CHSY1: variants seen among roughly 807,000 people sequenced by gnomAD.
The protein encoded by CHSY1 is chondroitin sulfate synthase 1.
CHSY1 carries 13 observed loss-of-function variants against 59.8 expected under a neutral mutation model. The ratio of observed to expected loss-of-function variants is 0.22; its 90% CI spans 0.14 to 0.35. The LOEUF (loss-of-function observed/expected upper bound fraction) is 0.35. Among genes scored for constraint, CHSY1 ranks in the 10% least tolerant of loss-of-function variants. The pLI is 1.00. For synonymous variants in CHSY1, 459 were observed against 401.2 expected (o/e 1.14, Z -1.72); for missense variants, 947 against 1,030.6 (o/e 0.92, Z 1.11).
At chr15:101,199,754 G>A (rs924303091) in intron 2 of CHSY1, among the ~76,000 whole-genome samples, 3 of 152,150 alleles carry the variant, frequency 2.0e-5, no homozygotes, top group South Asian at 2.1e-4. Flanking sequence ...CAGGAAACAC[G>A]ACGCACCAGA....
At chr15:101,247,021 C>CA (rs2039058791) in intron 1 of CHSY1, among the ~76,000 whole-genome samples, 1 of 152,320 alleles carries the variant, frequency 6.6e-6, no homozygotes, top group South Asian at 2.1e-4. Flanking sequence ...TTACCTAGAA[C>CA]ACACACTTGC....
At chr15:101,242,675 A>G (rs1335537453) in intron 1 of CHSY1, 2 of 152,382 alleles carry the variant, frequency 1.3e-5, no homozygotes, top group African/African-American at 2.4e-5. Context: ...AAGGCCACCA[A>G]GTGATGCCAC....
intron 2 of CHSY1, among the ~76,000 whole-genome samples, chr15:101,234,869 G>T (rs944808937): frequency 6.6e-6 from 1 of 152,072 alleles, no homozygotes; most frequent in African/African-American, 2.4e-5. Context: ...TCTCTCTGGG[G>T]GGAGAAAAAG....
intron 2 of CHSY1, 74 bp from the exon 3 acceptor site, chr15:101,179,054 C>G (rs2038239586): frequency 1.4e-6 from 2 of 1,438,250 alleles, no homozygotes; most frequent in Non-Finnish European, 1.9e-6. Flanking sequence ...AAAGAAAATG[C>G]AAATATTAGA....
At position 101,212,419 on chromosome 15, in the gene CHSY1, G is replaced by C. The variant is rs552595073; in HGVS notation, c.816+22663C>G. Among the ~76,000 whole-genome samples, 22 of 152,290 alleles carry C rather than the reference G, an allele frequency of 1.4e-4. 1 individual carries two copies. In the South Asian group the frequency reaches 4.3e-3, roughly 30 times the overall value. ...AGTAAAAAAACTAGAAATACTCCAG[G>C]TGAAGTTTACTAAGCAATAAAAAGG... On this transcript the variant is annotated intron_variant, in intron 2 of 2. Transcript: ENST00000254190.
chr15:101,177,925 T>C lies in CHSY1; in HGVS notation c.1872A>G (p.Glu624=). 1 of 1,614,186 alleles carries C rather than the reference T, an allele frequency of 6.2e-7. No homozygotes were observed. Among genetic ancestry groups the C allele is most frequent in the Non-Finnish European group, 8.5e-7 (1 of 1,180,024 alleles). ...CGACGTCGCAGAAGAAGAGCAAAGATTCATTGTTAAACTGGGAGGATCCTA... is the reference window on the plus strand; with the variant it reads ...CGACGTCGCAGAAGAAGAGCAAAGACTCATTGTTAAACTGGGAGGATCCTA... The part of the protein sequence containing the change: ...LEVGSSQFNN[E]SLLFFCDVDL... Residue 624 remains glutamate (E), a synonymous_variant, in exon 3 of 3, where the codon GAA becomes GAG. Transcript: ENST00000254190.
At chr15:101,240,062 T>C (rs4147440) in intron 1 of CHSY1, among the ~76,000 whole-genome samples, 1 of 152,240 alleles carries the variant, frequency 6.6e-6, no homozygotes. Context: ...ACCCAATTAT[T>C]ATCTGTTCCT....
chr15:101,239,975 T>C (rs1249532307), intron 1 of CHSY1, among the ~76,000 whole-genome samples: 1 of 152,204 alleles, frequency 6.6e-6, no homozygotes, highest in Non-Finnish European at 1.5e-5. Context: ...ACTGAAATGG[T>C]GTAATTTGCC....
chr15:101,186,732 G>T, intron 2 of CHSY1: 1 of 152,338 alleles, frequency 6.6e-6, no homozygotes, highest in Non-Finnish European at 1.5e-5. Context: ...AGCCTGGGAG[G>T]TCGAGGCTGC....
chr15:101,207,157 A>G (rs895613625), intron 2 of CHSY1, among the ~76,000 whole-genome samples: 2 of 151,352 alleles, frequency 1.3e-5, no homozygotes, highest in African/African-American at 4.8e-5. Context: ...CTCTTGACAA[A>G]TGTTTTTTAT....
At chr15:101,207,336 C>A (rs1256287782) in intron 2 of CHSY1, among the ~76,000 whole-genome samples, 1 of 152,218 alleles carries the variant, frequency 6.6e-6, no homozygotes, top group African/African-American at 2.4e-5. Context: ...ATCAGCGTCA[C>A]CAAGTCTTCA....
At chr15:101,187,854 T>G in intron 2 of CHSY1, 1 of 191,218 alleles carries the variant, frequency 5.2e-6, no homozygotes, top group Non-Finnish European at 9.6e-6. Context: ...TCCCTTCCTG[T>G]GAGATGTTTC....
intron 2 of CHSY1, among the ~76,000 whole-genome samples, chr15:101,196,844 C>G (rs1419083251): frequency 6.6e-6 from 1 of 152,140 alleles, no homozygotes; most frequent in African/African-American, 2.4e-5. Context: ...AGAAATATAG[C>G]AAGACCTCAT....
rs143797671 is a variant in CHSY1, at chr15:101,199,902, G to C, written c.817-20922C>G. ...CACGAACAGCAGCGTATGTTCATTTGATCCCTGTGTCTAACAGCATTACAG... is the reference window on the plus strand; with the variant it reads ...CACGAACAGCAGCGTATGTTCATTTCATCCCTGTGTCTAACAGCATTACAG... On this transcript the variant is annotated intron_variant, in intron 2 of 2. Coordinates refer to ENST00000254190, the MANE Select transcript of CHSY1 (RefSeq NM_014918.5). Among the ~76,000 whole-genome samples the C allele has an allele frequency of 1.0e-3, 159 of 152,274 alleles. 2 individuals are homozygous for C. The East Asian group carries it at 0.027, about 26-fold the overall frequency.
At chr15:101,242,722 G>A (rs1485801750) in intron 1 of CHSY1, 1 of 152,278 alleles carries the variant, frequency 6.6e-6, no homozygotes, top group Non-Finnish European at 1.5e-5. Context: ...CCCTCTGGCA[G>A]GATGTTGCAA....
chr15:101,191,408 G>C (rs941508924), intron 2 of CHSY1, among the ~76,000 whole-genome samples: 1 of 152,230 alleles, frequency 6.6e-6, no homozygotes, highest in African/African-American at 2.4e-5. Flanking sequence ...GTGGTTGCCA[G>C]GGGTTACAGG....
chr15:101,206,289 G>A (rs935067907), intron 2 of CHSY1, among the ~76,000 whole-genome samples: 1 of 152,138 alleles, frequency 6.6e-6, no homozygotes, highest in Admixed American at 6.5e-5. Flanking sequence ...AACCCACCAG[G>A]TCTCGAGTCG....
At chr15:101,182,860 G>A (rs1284209294) in intron 2 of CHSY1, among the ~76,000 whole-genome samples, 1 of 152,194 alleles carries the variant, frequency 6.6e-6, no homozygotes, top group Non-Finnish European at 1.5e-5. Context: ...AACAGTCAAG[G>A]ATCATCAGGG....
intron 1 of CHSY1, among the ~76,000 whole-genome samples, chr15:101,246,370 TAATCAAAACG>T (rs1567110310): frequency 6.8e-5 from 10 of 146,378 alleles, no homozygotes; most frequent in South Asian, 2.1e-4. Flanking sequence ...TTTTTTTTTT[TAATCAAAACG>T]TTGATTAAAA....
Sources: gnomAD v4.1 joint callset for allele counts (sites outside exome capture counted in the v4.1 genomes callset) on GRCh38, gnomAD v4.1.1 for gene constraint, MANE v1.5 for transcripts, NCBI Gene and HGNC (gene_info 2026-07-23, HGNC 2026-07-21) for gene names.